The following CELF1 variants were observed in gnomAD, a reference collection of about 807,000 sequenced individuals.
CELF1 encodes CUGBP Elav-like family member 1.
Under a neutral mutation model 61.8 loss-of-function variants are expected in CELF1, and 10 were observed. That is an observed-to-expected ratio of 0.16 (90% CI 0.10 to 0.27). CELF1 has a LOEUF of 0.27. Ranked by LOEUF, CELF1 falls within the 10% of genes least tolerant of loss-of-function variation. The pLI is 1.00. For synonymous variants in CELF1, 236 were observed against 225.1 expected (o/e 1.05, Z -0.43); for missense variants, 380 against 639.1 (o/e 0.59, Z 4.37).
chr11:47,510,078 A>G (rs1011593829), intron 1 of CELF1, among the ~76,000 whole-genome samples: 4 of 151,866 alleles, frequency 2.6e-5, no homozygotes, highest in Non-Finnish European at 5.9e-5. Context: ...GAAAAAAAAA[A>G]GTAAGGAAGT....
At chr11:47,549,626 T>C (rs1278322245) in intron 1 of CELF1, among the ~76,000 whole-genome samples, 1 of 152,072 alleles carries the variant, frequency 6.6e-6, no homozygotes, top group African/African-American at 2.4e-5. Context: ...GTAGTCAAAT[T>C]GGTAGAAACA....
chr11:47,527,246 C>G (rs2096277824), intron 1 of CELF1, among the ~76,000 whole-genome samples: 1 of 152,034 alleles, frequency 6.6e-6, no homozygotes, highest in South Asian at 2.1e-4. Context: ...AAAAAATTAG[C>G]CGGACATGGT....
chr11:47,554,224 A>G (rs2097195945), upstream of CELF1, among the ~76,000 whole-genome samples: 1 of 152,136 alleles, frequency 6.6e-6, no homozygotes, highest in South Asian at 2.1e-4. Flanking sequence ...TTCTGGTACC[A>G]TATAGTCCTT....
At chr11:47,480,033 A>G (rs1473092085) in intron 9 of CELF1, among the ~76,000 whole-genome samples, 1 of 151,234 alleles carries the variant, frequency 6.6e-6, no homozygotes, top group African/African-American at 2.4e-5. Context: ...TCCAGAAAGA[A>G]CCTCATAATT....
intron 1 of CELF1, among the ~76,000 whole-genome samples, chr11:47,526,866 C>T (rs1170635693): frequency 6.6e-6 from 1 of 152,040 alleles, no homozygotes; most frequent in Non-Finnish European, 1.5e-5. Flanking sequence ...GCCTGGCCAA[C>T]AAGGTGAAAC....
chr11:47,489,472 A>G (rs1401763934), intron 3 of CELF1, among the ~76,000 whole-genome samples: 1 of 152,244 alleles, frequency 6.6e-6, no homozygotes, highest in Admixed American at 6.5e-5. Flanking sequence ...TGACAGGTGA[A>G]GTTTCCTTTC....
At chr11:47,497,064 G>A (rs1015947633) in intron 3 of CELF1, among the ~76,000 whole-genome samples, 1 of 152,204 alleles carries the variant, frequency 6.6e-6, no homozygotes, top group East Asian at 1.9e-4. Context: ...AGGATCTGGA[G>A]TTCACTTGAA....
intron 1 of CELF1, among the ~76,000 whole-genome samples, chr11:47,516,353 C>G (rs1035439631): frequency 1.3e-5 from 2 of 152,160 alleles, no homozygotes; most frequent in Non-Finnish European, 2.9e-5. Flanking sequence ...GCTAGTATCA[C>G]CAAATTCCCC....
At chr11:47,533,941 CAACTG>C (rs2096560051) in intron 1 of CELF1, among the ~76,000 whole-genome samples, 1 of 151,124 alleles carries the variant, frequency 6.6e-6, no homozygotes, top group Non-Finnish European at 1.5e-5. Context: ...AATATAAACT[CAACTG>C]AAGTTTCTAT....
chr11:47,538,098 G>C (rs2096675037), intron 1 of CELF1, among the ~76,000 whole-genome samples: 1 of 151,794 alleles, frequency 6.6e-6, no homozygotes, highest in African/African-American at 2.4e-5. Flanking sequence ...TTTATTTGTA[G>C]AGACAGAGTC....
intron 3 of CELF1, chr11:47,495,982 C>T: frequency 1.0e-6 from 1 of 985,364 alleles, no homozygotes; most frequent in Non-Finnish European, 1.2e-6. Flanking sequence ...ATACTTGTTG[C>T]ATTCCAAACT....
chr11:47,555,733 C>T (rs920410406), upstream of CELF1, among the ~76,000 whole-genome samples: 1 of 152,142 alleles, frequency 6.6e-6, no homozygotes, highest in South Asian at 2.1e-4. Context: ...GTCGGCCAGG[C>T]GCGGTAGCTC....
chr11:47,544,179 A>C (rs1041758340), intron 1 of CELF1, among the ~76,000 whole-genome samples: 1 of 152,224 alleles, frequency 6.6e-6, no homozygotes, highest in Non-Finnish European at 1.5e-5. Flanking sequence ...GAACAAAAGG[A>C]ACACTGACAT....
chr11:47,529,166 C>G (rs114669013), intron 1 of CELF1, among the ~76,000 whole-genome samples: 1 of 151,674 alleles, frequency 6.6e-6, no homozygotes, highest in Non-Finnish European at 1.5e-5. Flanking sequence ...CAACCTCTGC[C>G]TCTCAGGTTC....
At chr11:47,526,103 G>A (rs2096228625) in intron 1 of CELF1, among the ~76,000 whole-genome samples, 3 of 152,114 alleles carry the variant, frequency 2.0e-5, no homozygotes. Flanking sequence ...GCCAAGGTGG[G>A]CAGATCACCT....
At chr11:47,541,717 A>G (rs1253163312) in intron 1 of CELF1, among the ~76,000 whole-genome samples, 1 of 21,484 alleles carries the variant, frequency 4.7e-5, no homozygotes, top group African/African-American at 2.1e-4. Context: ...AAAGAAAGAA[A>G]GAAAGAAAGA....
At chr11:47,507,183 A>G (rs1184894657) in intron 1 of CELF1, among the ~76,000 whole-genome samples, 1 of 152,254 alleles carries the variant, frequency 6.6e-6, no homozygotes, top group Non-Finnish European at 1.5e-5. Context: ...TAGCAAAACA[A>G]TGACTAAAAT....
chr11:47,504,016 A>T (rs1194451988), intron 1 of CELF1, among the ~76,000 whole-genome samples: 1 of 152,126 alleles, frequency 6.6e-6, no homozygotes, highest in East Asian at 1.9e-4. Context: ...TCTACAAAAA[A>T]ATACAAAACA....
chr11:47,530,460 T>C (rs1259367563), intron 1 of CELF1, among the ~76,000 whole-genome samples: 1 of 152,202 alleles, frequency 6.6e-6, no homozygotes, highest in African/African-American at 2.4e-5. Flanking sequence ...TGCTTTAATG[T>C]GGGCCCAGTC....
Sources: allele counts gnomAD v4.1 joint callset (sites outside exome capture counted in the v4.1 genomes callset), GRCh38; gene constraint gnomAD v4.1.1; transcripts MANE v1.5; gene names NCBI Gene and HGNC (gene_info 2026-07-23, HGNC 2026-07-21).